Variants in DENND1B observed in about 807,000 individuals in gnomAD.
DENND1B encodes DENN domain-containing protein 1B.
In DENND1B, 59 loss-of-function variants were observed where a neutral mutation model predicts 90.1. That is an observed-to-expected ratio of 0.65 (90% CI 0.53 to 0.81). DENND1B has a LOEUF of 0.81. DENND1B is among the 40% of genes least tolerant of loss of function. The probability of loss-of-function intolerance (pLI) is 0.00; values close to 1 mark genes in which losing one functional copy is unlikely to be tolerated. For synonymous variants in DENND1B, 337 were observed against 324.6 expected, an observed-to-expected ratio of 1.04 and a Z score of -0.41; for missense variants, 862 against 912.6, an observed-to-expected ratio of 0.94 and a Z score of 0.71.
chr1:197,698,953 T>A (rs1043454428), intron 3 of DENND1B, among the ~76,000 whole-genome samples: 1 of 152,082 alleles, frequency 6.6e-6, no homozygotes, highest in South Asian at 2.1e-4. Context: ...CAGGACCAGA[T>A]GGATTCACAG....
At chr1:197,543,281 A>T (rs1670479751) in intron 18 of DENND1B, among the ~76,000 whole-genome samples, 1 of 152,150 alleles carries the variant, frequency 6.6e-6, no homozygotes, top group African/African-American at 2.4e-5. Context: ...CCTTGCAGAG[A>T]AGAGTTCAAA....
chr1:197,562,076 C>G (rs953169184), intron 15 of DENND1B, among the ~76,000 whole-genome samples: 2 of 151,914 alleles, frequency 1.3e-5, no homozygotes, highest in African/African-American at 4.8e-5. Context: ...ACCCTCACCT[C>G]TGGTAGTCCC....
intron 3 of DENND1B, among the ~76,000 whole-genome samples, chr1:197,676,153 C>T (rs1656053001): frequency 6.7e-6 from 1 of 149,848 alleles, no homozygotes; most frequent in Non-Finnish European, 1.5e-5. Flanking sequence ...TGTTTCTCCC[C>T]TGACAGTATA....
At chr1:197,593,563 C>T (rs1044755716) in intron 14 of DENND1B, among the ~76,000 whole-genome samples, 1 of 151,574 alleles carries the variant, frequency 6.6e-6, no homozygotes, top group Non-Finnish European at 1.5e-5. Context: ...TCTTATACTC[C>T]TATCTGTGCA....
intron 2 of DENND1B, chr1:197,734,114 A>C: frequency 2.1e-6 from 2 of 958,956 alleles, no homozygotes; most frequent in South Asian, 9.7e-5. Context: ...TGCAGAAGTC[A>C]AAATAAAACT....
At chr1:197,511,975 T>C (rs1390002009) in intron 21 of DENND1B, 31 bp from the exon 22 acceptor site, 1 of 1,521,222 alleles carries the variant, frequency 6.6e-7, no homozygotes, top group African/African-American at 1.4e-5. Flanking sequence ...CAGTAGTAGG[T>C]AAATAACCAT....
At chr1:197,709,792 TAA>T (rs1443458403) in intron 3 of DENND1B, among the ~76,000 whole-genome samples, 1 of 139,360 alleles carries the variant, frequency 7.2e-6, no homozygotes, top group Non-Finnish European at 1.5e-5. Flanking sequence ...GCAAGTTGGA[TAA>T]AGAGTCAACA....
chr1:197,550,977 TG>T (rs1671188054), intron 16 of DENND1B, among the ~76,000 whole-genome samples: 1 of 151,978 alleles, frequency 6.6e-6, no homozygotes, highest in African/African-American at 2.4e-5. Context: ...TTTACTTCTT[TG>T]AAGAACAGGT....
intron 13 of DENND1B, among the ~76,000 whole-genome samples, chr1:197,604,906 A>C (rs1676534044): frequency 1.3e-5 from 2 of 151,280 alleles, no homozygotes; most frequent in African/African-American, 4.8e-5. Flanking sequence ...ACTGATGAAA[A>C]AGCTATATTT....
intron 3 of DENND1B, among the ~76,000 whole-genome samples, chr1:197,692,368 T>G (rs1657989308): frequency 6.6e-6 from 1 of 151,904 alleles, no homozygotes; most frequent in South Asian, 2.1e-4. Context: ...TTCCTATTAG[T>G]CAATGCCAAA....
At chr1:197,568,236 A>G (rs1474787262) in intron 15 of DENND1B, among the ~76,000 whole-genome samples, 2 of 152,166 alleles carry the variant, frequency 1.3e-5, no homozygotes, top group Non-Finnish European at 2.9e-5. Context: ...GAAAGCAAGA[A>G]AATAATTAAA....
intron 2 of DENND1B, chr1:197,734,616 T>TA (rs1020092542): frequency 0.02 from 13,477 of 659,150 alleles, 23 homozygotes; most frequent in African/African-American, 0.038. Flanking sequence ...ATTCGTAATT[T>TA]AAAAAAAAAA....
intron 2 of DENND1B, 108 bp from the exon 3 acceptor site, chr1:197,715,182 TTTAAA>T (rs1424173762): frequency 1.0e-5 from 8 of 776,142 alleles, no homozygotes; most frequent in Middle Eastern, 2.7e-4. Context: ...AATTACAACA[TTTAAA>T]TTTTTCTTTA....
At position 197,508,123 on chromosome 1, in the gene DENND1B, C is replaced by T. The variant is rs778663937; in HGVS notation, c.*2337G>A. On this transcript the variant is annotated 3_prime_UTR_variant, in exon 23 of 23. Coordinates refer to ENST00000620048, the MANE Select transcript of DENND1B (RefSeq NM_001195215.2). ...CCGTGATGTTGATAAAGCAAATGGA[C>T]TAAAAACCAAATTTGACCCATGCTA... is the stretch of plus-strand genomic sequence containing the variant. 5.3e-5 allele frequency: 8 copies of T among 151,342 alleles called. No homozygotes were observed. Among genetic ancestry groups the T allele is most frequent in the Non-Finnish European group, 1.2e-4 (8 of 67,652 alleles). The allele number at this position is 151,342 out of a possible 1,614,324, so 9.4% of individuals were successfully genotyped here.
intron 2 of DENND1B, chr1:197,747,443 A>C (rs1652854159): frequency 2.8e-6 from 1 of 354,896 alleles, no homozygotes; most frequent in Admixed American, 3.7e-5. Flanking sequence ...GTAGCAGCCC[A>C]CTCCACATCT....
Position 197,715,025 on chromosome 1 carries a change from A to G in DENND1B, c.126+6T>C. ...TAAATTTTTTAAAAAATTATGTGGT[A>G]CCAACCTGGTCTCCAAAGTCCTCTG... On this transcript the variant is annotated splice_donor_region_variant and intron_variant, in intron 3 of 22. Coordinates refer to ENST00000620048, the MANE Select transcript of DENND1B (RefSeq NM_001195215.2). 6.2e-7 allele frequency: 1 copy of G among 1,608,256 alleles called. No individual in the cohort carries two copies. Among genetic ancestry groups the G allele is most frequent in the Non-Finnish European group, 8.5e-7 (1 of 1,175,646 alleles).
intron 3 of DENND1B, among the ~76,000 whole-genome samples, chr1:197,674,385 G>C (rs1655842615): frequency 6.6e-6 from 1 of 152,090 alleles, no homozygotes; most frequent in African/African-American, 2.4e-5. Context: ...AACCCCAGGG[G>C]GGAAAGGCCT....
chr1:197,513,495 C>G (rs1668180562), intron 20 of DENND1B, among the ~76,000 whole-genome samples: 1 of 140,130 alleles, frequency 7.1e-6, no homozygotes, highest in Admixed American at 7.5e-5. Flanking sequence ...CTAACAAGCT[C>G]TTAGGTAAGG....
chr1:197,605,537 G>A (rs1357369417), intron 13 of DENND1B: 2 of 150,740 alleles, frequency 1.3e-5, no homozygotes, highest in Non-Finnish European at 3.0e-5. Flanking sequence ...TTAACGGTAG[G>A]AAGTACATGC....
Sources: gnomAD v4.1 joint callset for allele counts (sites outside exome capture counted in the v4.1 genomes callset) on GRCh38, gnomAD v4.1.1 for gene constraint, MANE v1.5 for transcripts, NCBI Gene and HGNC (gene_info 2026-07-23, HGNC 2026-07-21) for gene names.